The following DENND1A variants were observed in gnomAD, a reference collection of about 807,000 sequenced individuals.
The protein encoded by DENND1A is DENN domain containing 1A, also known as DENN domain-containing protein 1A.
Under a neutral mutation model 113.7 loss-of-function variants are expected in DENND1A, and 51 were observed. The observed-to-expected ratio is 0.45, with a 90% CI of 0.36 to 0.57. The LOEUF (loss-of-function observed/expected upper bound fraction) is 0.57. Ranked by LOEUF, DENND1A falls within the 20% of genes least tolerant of loss-of-function variation. The probability of loss-of-function intolerance (pLI) is 0.00; values close to 1 mark genes in which losing one functional copy is unlikely to be tolerated. For synonymous variants in DENND1A, 565 were observed against 570.8 expected, an observed-to-expected ratio of 0.99 and a Z score of 0.14; for missense variants, 1,258 against 1,395.9, an observed-to-expected ratio of 0.90 and a Z score of 1.57.
At chr9:123,577,563 G>A (rs2058693953) in intron 12 of DENND1A, among the ~76,000 whole-genome samples, 1 of 152,162 alleles carries the variant, frequency 6.6e-6, no homozygotes, top group African/African-American at 2.4e-5. Context: ...TGAATGTTAT[G>A]TTATCGAATA....
In DENND1A at chr9:123,676,804, G is replaced by A; in HGVS notation, c.303-15C>T. On this transcript the variant is annotated splice_polypyrimidine_tract_variant and intron_variant, in intron 5 of 23. Transcript: ENST00000394215. The stretch of plus-strand genomic sequence containing the variant: ...AGGGGAGATAGCTGGAGGAAGAAGA[G>A]GAAACACATGAAATATTAGTATGCA... The A allele has an allele frequency of 6.2e-7, 1 of 1,612,550 alleles. No homozygotes were observed. Among genetic ancestry groups the A allele is most frequent in the Non-Finnish European group, 8.5e-7 (1 of 1,178,744 alleles).
At chr9:123,387,921 G>C in intron 21 of DENND1A, 63 bp from the exon 22 acceptor site, 2 of 1,268,536 alleles carry the variant, frequency 1.6e-6, no homozygotes, top group South Asian at 1.2e-5. Context: ...AGAACTTCAC[G>C]TGCAGGCGGG....
chr9:123,627,059 TCCC>T (rs2061255467), intron 10 of DENND1A, among the ~76,000 whole-genome samples: 1 of 152,134 alleles, frequency 6.6e-6, no homozygotes, highest in Non-Finnish European at 1.5e-5. Context: ...TGACAATGCA[TCCC>T]CATCCCTGAG....
intron 8 of DENND1A, among the ~76,000 whole-genome samples, chr9:123,665,929 A>G (rs973082616): frequency 6.6e-6 from 1 of 152,230 alleles, no homozygotes; most frequent in Non-Finnish European, 1.5e-5. Flanking sequence ...TGAAGGTATT[A>G]TGCTAAGTGA....
At chr9:123,724,821 C>G (rs1414302337) in intron 5 of DENND1A, among the ~76,000 whole-genome samples, 7 of 152,182 alleles carry the variant, frequency 4.6e-5, no homozygotes, top group Non-Finnish European at 1.5e-5. Context: ...GTAAAAAACA[C>G]AAATCATCCC....
intron 5 of DENND1A, among the ~76,000 whole-genome samples, chr9:123,755,374 C>T (rs2070445514): frequency 6.6e-6 from 1 of 151,740 alleles, no homozygotes; most frequent in Non-Finnish European, 1.5e-5. Context: ...GAACTCCTGA[C>T]CTCAGGTGAT....
intron 13 of DENND1A, among the ~76,000 whole-genome samples, chr9:123,527,971 A>G (rs1483235945): frequency 6.6e-6 from 1 of 152,224 alleles, no homozygotes; most frequent in African/African-American, 2.4e-5. Flanking sequence ...TGCTGTATTA[A>G]ATGAGATGAC....
chr9:123,551,342 A>G (rs1489821004), intron 13 of DENND1A, among the ~76,000 whole-genome samples: 6 of 151,914 alleles, frequency 3.9e-5, no homozygotes, highest in African/African-American at 1.5e-4. Context: ...AATTTCCTTC[A>G]CCCATTCTCC....
At chr9:123,718,676 G>A (rs918766095) in intron 5 of DENND1A, among the ~76,000 whole-genome samples, 8 of 152,192 alleles carry the variant, frequency 5.3e-5, no homozygotes, top group Admixed American at 2.6e-4. Flanking sequence ...GGACTCTCTT[G>A]GCTGCAGGAA....
chr9:123,418,046 G>T (rs190846632), intron 19 of DENND1A, among the ~76,000 whole-genome samples: 1 of 152,254 alleles, frequency 6.6e-6, no homozygotes, highest in Admixed American at 6.5e-5. Flanking sequence ...GAGAATTTGC[G>T]GATTTTCTTC....
intron 2 of DENND1A, among the ~76,000 whole-genome samples, chr9:123,859,130 C>G (rs1033278535): frequency 1.3e-5 from 2 of 152,180 alleles, no homozygotes; most frequent in Non-Finnish European, 2.9e-5. Context: ...TTTGTTAGCA[C>G]TTACTAACAG....
At chr9:123,722,490 C>T (rs953629576) in intron 5 of DENND1A, among the ~76,000 whole-genome samples, 8 of 152,108 alleles carry the variant, frequency 5.3e-5, no homozygotes, top group Non-Finnish European at 7.4e-5. Flanking sequence ...GAGACCTTTG[C>T]GACAGCTCCT....
chr9:123,535,206 G>A (rs2055650116), intron 13 of DENND1A, among the ~76,000 whole-genome samples: 1 of 152,136 alleles, frequency 6.6e-6, no homozygotes, highest in African/African-American at 2.4e-5. Flanking sequence ...GCCAAAATAA[G>A]TGTCGTAAAA....
chr9:123,816,203 T>C (rs1837459974), intron 2 of DENND1A, among the ~76,000 whole-genome samples: 1 of 152,122 alleles, frequency 6.6e-6, no homozygotes, highest in Non-Finnish European at 1.5e-5. Context: ...GGTTTCACCA[T>C]GTTTGTCAGG....
chr9:123,413,205 C>G, intron 19 of DENND1A: 1 of 192,908 alleles, frequency 5.2e-6, no homozygotes, highest in Middle Eastern at 2.6e-3. Context: ...AAAACACGTG[C>G]TATAAGTGCA....
chr9:123,881,732 C>T (rs1848343227), intron 1 of DENND1A, among the ~76,000 whole-genome samples: 2 of 152,214 alleles, frequency 1.3e-5, no homozygotes, highest in Non-Finnish European at 2.9e-5. Context: ...GCCCTGCTAT[C>T]TAAGTGAAAA....
chr9:123,701,530 C>T (rs191191849), intron 5 of DENND1A, among the ~76,000 whole-genome samples: 6 of 152,232 alleles, frequency 3.9e-5, no homozygotes, highest in South Asian at 4.2e-4. Context: ...AACTCCAGGC[C>T]GACACCTGTG....
chr9:123,903,571 G>A (rs1273076236), intron 1 of DENND1A, among the ~76,000 whole-genome samples: 2 of 152,098 alleles, frequency 1.3e-5, no homozygotes, highest in Non-Finnish European at 2.9e-5. Context: ...AAGCGCAAGG[G>A]GTCAGGGAGT....
intron 1 of DENND1A, among the ~76,000 whole-genome samples, chr9:123,918,210 C>T (rs669131): frequency 0.29 from 44,027 of 150,950 alleles, 10,303 homozygotes; most frequent in African/African-American, 0.65. Flanking sequence ...CTGGACAGGC[C>T]GGGCGTGGTG....
Sources: allele counts gnomAD v4.1 joint callset (sites outside exome capture counted in the v4.1 genomes callset), GRCh38; gene constraint gnomAD v4.1.1; transcripts MANE v1.5; gene names NCBI Gene and HGNC (gene_info 2026-07-23, HGNC 2026-07-21).